BTNL8: variants seen among roughly 807,000 people sequenced by gnomAD.
BTNL8 encodes butyrophilin like 8, also known as butyrophilin-like protein 8.
Under a neutral mutation model 36.1 loss-of-function variants are expected in BTNL8, and 22 were observed. That is an observed-to-expected ratio of 0.61 (90% confidence interval 0.44 to 0.87). BTNL8 has a LOEUF of 0.87. BTNL8 is among the 40% of genes least tolerant of loss of function. BTNL8 has a pLI of 0.00. For missense variants in BTNL8, 526 were observed against 616.9 expected (o/e 0.85, Z 1.56); for synonymous variants, 203 against 235.6 (o/e 0.86, Z 1.27).
chr5:180,921,097 C>T (rs1453850778), intron 3 of BTNL8, among the ~76,000 whole-genome samples: 1 of 152,052 alleles, frequency 6.6e-6, no homozygotes, highest in Non-Finnish European at 1.5e-5. Context: ...AGAGCTAATA[C>T]ATTTAGTAAA....
intron 3 of BTNL8, among the ~76,000 whole-genome samples, chr5:180,928,841 T>G (rs562603680): frequency 6.6e-6 from 1 of 152,154 alleles, no homozygotes; most frequent in Non-Finnish European, 1.5e-5. Context: ...ACAAAGAGAC[T>G]TAGACTCCCA....
In BTNL8 at chr5:180,950,715, C is replaced by A; in HGVS notation, c.*171C>A. 1.4e-6 allele frequency: 1 copy of A among 701,050 alleles called. No individual in the cohort carries two copies. Among genetic ancestry groups the A allele is most frequent in the Non-Finnish European group, 2.3e-6 (1 of 441,860 alleles). 43.4% of individuals were successfully genotyped at this position (701,050 alleles called of 1,614,324 possible). A position where few individuals can be genotyped will look rare whatever the true frequency, so the allele number is the denominator to read the frequency against. ...CTGGGAGGGAAGAAGGCTGACATTA[C>A]ATTTAGTTTGCTCTCACTCCATCTG... On this transcript the variant is annotated 3_prime_UTR_variant, in exon 8 of 8. Transcript: ENST00000340184.
At chr5:180,932,213 G>T (rs550681306) in intron 3 of BTNL8, among the ~76,000 whole-genome samples, 5 of 152,164 alleles carry the variant, frequency 3.3e-5, no homozygotes, top group African/African-American at 1.2e-4. Context: ...GTCAGGGTGT[G>T]GGGGGCTAAG....
rs1489082536 is a variant in BTNL8, at chr5:180,950,471, C to T, written c.1430C>T (p.Ala477Val). ...EKEASWQRASAIPETSNSESS... is the reference protein window; with the variant it reads ...EKEASWQRASVIPETSNSESS... ...GAGGCCTCTTGGCAAAGGGCCTCTG[C>T]AATCCCAGAGACAAGCAACAGTGAG... Residue 477 changes from alanine (A) to valine (V), a missense_variant, in exon 8 of 8, where the codon GCA (alanine) becomes GTA (valine). Ala to Val is a moderately conservative substitution (Grantham distance 64, BLOSUM62 0). Around this residue, in one of 2 missense-constraint regions of BTNL8, gnomAD observed 176 missense variants for 292.3 expected, o/e 0.60. Transcript: ENST00000340184. 1.4e-6 allele frequency: 2 copies of T among 1,463,858 alleles called. 1 individual carries two copies. The allele number at this position is 1,463,858 out of a possible 1,614,324, so 90.7% of individuals were successfully genotyped here.
chr5:180,900,134 G>T (rs1052141554), intron 1 of BTNL8, among the ~76,000 whole-genome samples: 1 of 152,178 alleles, frequency 6.6e-6, no homozygotes, highest in Non-Finnish European at 1.5e-5. Flanking sequence ...AAACCCATAT[G>T]TGTTACTAAC....
chr5:180,926,249 G>A (rs1384475245), intron 3 of BTNL8, among the ~76,000 whole-genome samples: 1 of 152,164 alleles, frequency 6.6e-6, no homozygotes, highest in African/African-American at 2.4e-5. Flanking sequence ...CATAGCCAAG[G>A]GAAGATGTGA....
intron 1 of BTNL8, among the ~76,000 whole-genome samples, chr5:180,900,320 T>A (rs758060781): frequency 2.0e-5 from 3 of 152,220 alleles, no homozygotes; most frequent in Non-Finnish European, 4.4e-5. Flanking sequence ...CACAGCTTCC[T>A]TAGGTGTTGG....
In BTNL8 at chr5:180,908,623, G is replaced by T; in HGVS notation, c.87G>T (p.Gln29His). The change falls in exon 2 of 8, where the codon CAG (glutamine) becomes CAT (histidine). Residue 29 changes from glutamine to histidine, a missense_variant. This residue lies in a region of BTNL8 where 350 missense variants were observed against 324.6 expected (regional missense o/e 1.08). Transcript: ENST00000340184. ...WQVFGPDKPVQALVGEDAAFS... is the reference protein window; with the variant it reads ...WQVFGPDKPVHALVGEDAAFS... ...TGTTTGGGCCAGACAAGCCTGTCCAGGCCTTGGTGGGGGAGGACGCAGCAT... is the reference window on the plus strand; with the variant it reads ...TGTTTGGGCCAGACAAGCCTGTCCATGCCTTGGTGGGGGAGGACGCAGCAT... 1 of 1,614,208 alleles carries T rather than the reference G, an allele frequency of 6.2e-7. No homozygotes were observed. Among genetic ancestry groups the T allele is most frequent in the Middle Eastern group, 1.6e-4 (1 of 6,062 alleles).
chr5:180,919,900 T>C (rs1346465494), intron 3 of BTNL8, among the ~76,000 whole-genome samples: 3 of 152,120 alleles, frequency 2.0e-5, no homozygotes, highest in African/African-American at 7.2e-5. Flanking sequence ...CACAAATAAA[T>C]AGAAATGTAT....
chr5:180,946,066 A>G (rs1458761104), intron 3 of BTNL8, among the ~76,000 whole-genome samples: 2 of 152,220 alleles, frequency 1.3e-5, no homozygotes, highest in Non-Finnish European at 2.9e-5. Flanking sequence ...ATCATTGTGG[A>G]AACGCAAATT....
At chr5:180,912,213 C>T (rs142507170) in intron 3 of BTNL8, among the ~76,000 whole-genome samples, 17,636 of 152,060 alleles carry the variant, frequency 0.12, 3,104 homozygotes, top group African/African-American at 0.38. Context: ...AGGAGTGACA[C>T]CATTGGCTCT....
Position 180,907,893 on chromosome 5 carries a change from C to T in BTNL8, c.50-693C>T, listed in dbSNP as rs541185313. Among the ~76,000 whole-genome samples the T allele has an allele frequency of 4.0e-4, 60 of 151,544 alleles. 1 individual carries two copies. Among genetic ancestry groups the T allele is most frequent in the South Asian group, 8.3e-4 (4 of 4,808 alleles). ...CTGCCAGTTCTCAGATCTCCAGCTG[C>T]GTGCTGGGAGAACCACTGCTCTCTT... On this transcript the variant is annotated intron_variant, in intron 1 of 7. Transcript: ENST00000340184.
At chr5:180,944,380 T>C (rs1471667176) in intron 3 of BTNL8, among the ~76,000 whole-genome samples, 1 of 152,184 alleles carries the variant, frequency 6.6e-6, no homozygotes, top group Non-Finnish European at 1.5e-5. Context: ...GAAATGATCA[T>C]TACACAATGT....
chr5:180,931,350 A>T (rs1289285030), intron 3 of BTNL8, among the ~76,000 whole-genome samples: 2 of 152,222 alleles, frequency 1.3e-5, no homozygotes, highest in Non-Finnish European at 2.9e-5. Flanking sequence ...TAAAACTGTA[A>T]AAACCCTAGA....
At chr5:180,939,248 T>C (rs1758807678) in intron 3 of BTNL8, among the ~76,000 whole-genome samples, 1 of 152,218 alleles carries the variant, frequency 6.6e-6, no homozygotes, top group East Asian at 1.9e-4. Context: ...ATATATAGAT[T>C]GGCTGAATGA....
chr5:180,950,307 C>T lies in BTNL8; in HGVS notation c.1266C>T (p.Asn422=). 1 of 1,463,792 alleles carries T rather than the reference C, an allele frequency of 6.8e-7. No individual in the cohort carries two copies. Among genetic ancestry groups the T allele is most frequent in the South Asian group, 1.1e-5 (1 of 89,266 alleles). 90.7% of individuals were successfully genotyped at this position (1,463,792 alleles called of 1,614,324 possible). A position where few individuals can be genotyped will look rare whatever the true frequency, so the allele number is the denominator to read the frequency against. ...AGTGTGGGACCATCTCCTTCTTCAACATAAATGACCAGTCCCTTATTTATA... is the reference window on the plus strand; with the variant it reads ...AGTGTGGGACCATCTCCTTCTTCAATATAAATGACCAGTCCCTTATTTATA... ...DYECGTISFF[N]INDQSLIYTL... Residue 422 remains asparagine, a synonymous_variant, in exon 8 of 8, where the codon AAC becomes AAT. Coordinates refer to ENST00000340184, the MANE Select transcript of BTNL8 (RefSeq NM_001040462.3).
At chr5:180,941,452 C>T (rs1758948754) in intron 3 of BTNL8, among the ~76,000 whole-genome samples, 1 of 152,106 alleles carries the variant, frequency 6.6e-6, no homozygotes, top group Admixed American at 6.5e-5. Context: ...TCCATGAGGA[C>T]AGTATTATCC....
chr5:180,916,964 A>G (rs536310481), intron 3 of BTNL8, among the ~76,000 whole-genome samples: 1 of 152,390 alleles, frequency 6.6e-6, no homozygotes, highest in East Asian at 1.9e-4. Context: ...CTACGGCACT[A>G]TGAAAAATCA....
At position 180,899,307 on chromosome 5, in the gene BTNL8, A is replaced by T; in HGVS notation, c.-4A>T. ...GCCGTGAGGTCCATTCACAGAACAC[A>T]TCCATGGCTCTCATGCTCAGTTTGG... On this transcript the variant is annotated 5_prime_UTR_variant, in exon 1 of 8. Transcript: ENST00000340184. The T allele has an allele frequency of 6.2e-7, 1 of 1,614,138 alleles. No individual in the cohort carries two copies. Among genetic ancestry groups the T allele is most frequent in the Non-Finnish European group, 8.5e-7 (1 of 1,179,970 alleles).
Sources: gnomAD v4.1 joint callset for allele counts (sites outside exome capture counted in the v4.1 genomes callset) on GRCh38, gnomAD v4.1.1 for gene constraint, gnomAD v4.1.1 regional missense constraint, MANE v1.5 for transcripts, NCBI Gene and HGNC (gene_info 2026-07-23, HGNC 2026-07-21) for gene names.